Variants in ASXL1 observed in about 807,000 individuals in gnomAD.
ASXL1 encodes polycomb group protein ASXL1.
Under a neutral mutation model 89.1 loss-of-function variants are expected in ASXL1, and 65 were observed. That is an observed-to-expected ratio of 0.73 (90% CI 0.60 to 0.90). The LOEUF (loss-of-function observed/expected upper bound fraction) is 0.90. Among genes scored for constraint, ASXL1 ranks in the 40% least tolerant of loss-of-function variants. The probability of loss-of-function intolerance (pLI) is 0.00; values close to 1 mark genes in which losing one functional copy is unlikely to be tolerated. For synonymous variants in ASXL1, 739 were observed against 746.9 expected (o/e 0.99, Z 0.17); for missense variants, 1,786 against 1,942.9 (o/e 0.92, Z 1.52).
intron 4 of ASXL1, among the ~76,000 whole-genome samples, chr20:32,370,127 T>A (rs2048277043): frequency 6.6e-6 from 1 of 152,192 alleles, no homozygotes; most frequent in Admixed American, 6.5e-5. Context: ...TGTGAACATA[T>A]TTGTGGAAAT....
chr20:32,411,053 A>T (rs2049035130), intron 4 of ASXL1, among the ~76,000 whole-genome samples: 1 of 20,270 alleles, frequency 4.9e-5, no homozygotes, highest in Admixed American at 7.8e-4. Context: ...AAAATAAAAA[A>T]AATAAAAAAA....
Position 32,394,825 on chromosome 20 carries a change from T to G in ASXL1, c.252+25702T>G, listed in dbSNP as rs111304952. 9.4e-3 allele frequency among the ~76,000 whole-genome samples: 1,425 copies of G among 152,194 alleles called. 15 individuals carry two copies. Among genetic ancestry groups the G allele is most frequent in the African/African-American group, 0.032 (1,347 of 41,526 alleles). On this transcript the variant is annotated intron_variant, in intron 4 of 12. Transcript: ENST00000375687. Reference sequence around the variant, plus strand: ...GCCTCCTGGGTTCAAGTGATTCTTATGCCTCAGCCTCCTGAGTAGCTGGGA... The same window carrying G: ...GCCTCCTGGGTTCAAGTGATTCTTAGGCCTCAGCCTCCTGAGTAGCTGGGA...
intron 4 of ASXL1, among the ~76,000 whole-genome samples, chr20:32,389,394 A>G (rs988091501): frequency 3.3e-5 from 5 of 152,100 alleles, no homozygotes; most frequent in African/African-American, 1.2e-4. Context: ...TCTTGCTGTA[A>G]CAAACAGCTG....
intron 4 of ASXL1, among the ~76,000 whole-genome samples, chr20:32,405,667 C>T: frequency 6.6e-6 from 1 of 152,118 alleles, no homozygotes; most frequent in East Asian, 1.9e-4. Flanking sequence ...GTGACCTTGA[C>T]TCCTTTGAAG....
rs1569317988 is a variant in ASXL1 at position 32,429,493 on chromosome 20, T to C, written c.565+62T>C. 2.6e-6 allele frequency: 4 copies of C among 1,530,838 alleles called. No homozygotes were observed. The highest frequency in any genetic ancestry group is 2.7e-6 in the Non-Finnish European group (3 of 1,105,128). 94.8% of individuals were successfully genotyped at this position (1,530,838 alleles called of 1,614,324 possible). A position where few individuals can be genotyped will look rare whatever the true frequency, so the allele number is the denominator to read the frequency against. ...AGGTCCTGGGGACCTGGCCTCCCTC[T>C]GTCAGCAGTTTCTGACCTAATAGTG... On this transcript the variant is annotated intron_variant, in intron 7 of 12. Coordinates refer to ENST00000375687, the MANE Select transcript of ASXL1 (RefSeq NM_015338.6). The surrounding 1 kb of genome is among the most constrained non-coding windows in gnomAD (Gnocchi z 4.9).
At chr20:32,404,947 TC>T (rs922404777) in intron 4 of ASXL1, among the ~76,000 whole-genome samples, 3 of 152,250 alleles carry the variant, frequency 2.0e-5, no homozygotes, top group African/African-American at 7.2e-5. Context: ...GATGATGAAT[TC>T]CTTTTCATAT....
intron 4 of ASXL1, among the ~76,000 whole-genome samples, chr20:32,408,964 T>A (rs781381278): frequency 3.3e-5 from 5 of 152,098 alleles, no homozygotes; most frequent in Middle Eastern, 3.2e-3. Flanking sequence ...TTTATTTTTT[T>A]AATTTTTTAA....
In ASXL1 at chr20:32,436,939, C is replaced by G; in HGVS notation, c.4227C>G (p.Pro1409=). 1.9e-6 allele frequency: 3 copies of G among 1,614,174 alleles called. No homozygotes were observed. Among genetic ancestry groups the G allele is most frequent in the Non-Finnish European group, 2.5e-6 (3 of 1,180,044 alleles). Residue 1409 remains proline, a synonymous_variant, in exon 13 of 13, where the codon CCC becomes CCG. Transcript: ENST00000375687. ...GGATGCCCTTTGTCATGGACTTGCC[C>G]TTCTGGAAATTACCCCGAGAGCCAG... ...LEGMPFVMDL[P]FWKLPREPGK... is the part of the protein sequence containing the mutation.
rs1014372390 is a variant in ASXL1, at chr20:32,426,541, C to CTTTTTTTTTTTTTTTTTTTTTTTTTTTT, written c.253-1579_253-1578insTTTTTTTTTTTTTTTTTTTTTTTTTTTT. Reference sequence around the variant, plus strand: ...AGGTAAAGATGTAGAAAACTGTTTTCTTTTTTTTCTTTCTTTTTTTTTTTT... The same window carrying CTTTTTTTTTTTTTTTTTTTTTTTTTTTT: ...AGGTAAAGATGTAGAAAACTGTTTTCTTTTTTTTTTTTTTTTTTTTTTTTTTTTTTTTTTTTCTTTCTTTTTTTTTTTT... On this transcript the variant is annotated intron_variant, in intron 4 of 12. Transcript: ENST00000375687. 5.4e-5 allele frequency among the ~76,000 whole-genome samples: 5 copies of CTTTTTTTTTTTTTTTTTTTTTTTTTTTT among 92,572 alleles called. 1 individual carries two copies. The highest frequency in any genetic ancestry group is 2.5e-4 in the Admixed American group (2 of 8,128). The allele number at this position is 92,572 out of a possible 152,430, so 60.7% of individuals were successfully genotyped here. A position where few individuals can be genotyped will look rare whatever the true frequency, so the allele number is the denominator to read the frequency against.
chr20:32,379,743 T>C (rs1355940265), intron 4 of ASXL1, among the ~76,000 whole-genome samples: 1 of 151,634 alleles, frequency 6.6e-6, no homozygotes, highest in African/African-American at 2.4e-5. Flanking sequence ...GGAGAATCAC[T>C]TGAACCCGGG....
intron 4 of ASXL1, among the ~76,000 whole-genome samples, chr20:32,401,559 C>T (rs1344274847): frequency 7.0e-5 from 10 of 142,322 alleles, no homozygotes; most frequent in Admixed American, 1.4e-4. Flanking sequence ...TTCCCCCCCC[C>T]CCTTTTTTTT....
rs1569253078 is a variant in ASXL1, at chr20:32,376,867, T to TATATTATATAAATATC, written c.252+7746_252+7747insATTATATAAATATCAT. On this transcript the variant is annotated intron_variant, in intron 4 of 12. Coordinates refer to ENST00000375687, the MANE Select transcript of ASXL1 (RefSeq NM_015338.6). ...ATGATAGATATATAATATATAATTATATGTTATATATTTTATATTTATAAA... is the reference window on the plus strand; with the variant it reads ...ATGATAGATATATAATATATAATTATATATTATATAAATATCATGTTATATATTTTATATTTATAAA... Among the ~76,000 whole-genome samples, 1,186 of 140,658 alleles carry TATATTATATAAATATC rather than the reference T, an allele frequency of 8.4e-3. 20 individuals carry two copies. The highest frequency in any genetic ancestry group is 0.027 in the African/African-American group (1,062 of 39,388). 92.3% of individuals were successfully genotyped at this position (140,658 alleles called of 152,430 possible).
rs2048834039 is a variant in ASXL1 at position 32,399,603 on chromosome 20, C to T, written c.253-28525C>T. Among the ~76,000 whole-genome samples, 3 of 150,804 alleles carry T rather than the reference C, an allele frequency of 2.0e-5. No homozygotes were observed. In the South Asian group the frequency reaches 6.3e-4, roughly 32 times the overall value. On this transcript the variant is annotated intron_variant, in intron 4 of 12. Coordinates refer to ENST00000375687, the MANE Select transcript of ASXL1 (RefSeq NM_015338.6). ...CAAACATTAGGCTGCTTGAAGTTGC[C>T]CCATAGCTTACTGATAGTTTTTGTT... is the stretch of plus-strand genomic sequence containing the variant.
At chr20:32,403,274 A>G (rs2048905169) in intron 4 of ASXL1, among the ~76,000 whole-genome samples, 1 of 152,164 alleles carries the variant, frequency 6.6e-6, no homozygotes, top group African/African-American at 2.4e-5. Context: ...TCCTCTGTCA[A>G]TACCGTACTG....
chr20:32,417,704 T>C (rs1363440275), intron 4 of ASXL1, among the ~76,000 whole-genome samples: 1 of 152,148 alleles, frequency 6.6e-6, no homozygotes, highest in Non-Finnish European at 1.5e-5. Context: ...CTGTATACTT[T>C]AATAGGTATG....
At chr20:32,417,118 C>T (rs2049151202) in intron 4 of ASXL1, among the ~76,000 whole-genome samples, 1 of 152,150 alleles carries the variant, frequency 6.6e-6, no homozygotes, top group Non-Finnish European at 1.5e-5. Context: ...ATTTGTTTCA[C>T]TTGGTCTTTG....
chr20:32,410,339 G>A (rs942145672), intron 4 of ASXL1, among the ~76,000 whole-genome samples: 8 of 152,054 alleles, frequency 5.3e-5, no homozygotes, highest in East Asian at 1.9e-4. Context: ...GTCTTACACC[G>A]TTGCCCAGCC....
At position 32,439,220 on chromosome 20, in the gene ASXL1, G is replaced by A; in HGVS notation, c.*1882G>A. The A allele has an allele frequency of 4.3e-6, 1 of 233,496 alleles. No individual in the cohort carries two copies. Among genetic ancestry groups the A allele is most frequent in the East Asian group, 6.0e-5 (1 of 16,548 alleles). The allele number at this position is 233,496 out of a possible 1,614,324, so 14.5% of individuals were successfully genotyped here. A position where few individuals can be genotyped will look rare whatever the true frequency, so the allele number is the denominator to read the frequency against. On this transcript the variant is annotated 3_prime_UTR_variant, in exon 13 of 13. Coordinates refer to ENST00000375687, the MANE Select transcript of ASXL1 (RefSeq NM_015338.6). Reference sequence around the variant, plus strand: ...CTGGAACCTTTGGGGACACTCAAGGGTACAGTTTGACACTGATCTGGTCCA... The same window carrying A: ...CTGGAACCTTTGGGGACACTCAAGGATACAGTTTGACACTGATCTGGTCCA...
Position 32,436,742 on chromosome 20 carries a change from T to C in ASXL1, c.4030T>C (p.Ser1344Pro). 6.2e-7 allele frequency: 1 copy of C among 1,614,028 alleles called. No homozygotes were observed. The highest frequency in any genetic ancestry group is 2.2e-5 in the East Asian group (1 of 44,878). ...PSGKLGPSTN[S>P]MSGGVQTPRE... is the part of the protein sequence containing the mutation. ...TGGGAAGTTGGGACCAAGCACAAAC[T>C]CCATGTCTGGTGGGGTACAGACTCC... Residue 1344 changes from serine to proline, a missense_variant, in exon 13 of 13, where the codon TCC (serine) becomes CCC (proline). This residue lies in a region of ASXL1 where 1,418 missense variants were observed against 1,427.8 expected (regional missense o/e 0.99). Transcript: ENST00000375687.
Sources: gnomAD v4.1 joint callset for allele counts (sites outside exome capture counted in the v4.1 genomes callset) on GRCh38, gnomAD v4.1.1 for gene constraint, gnomAD v4.1.1 regional missense constraint, Gnocchi (gnomAD v3.1) non-coding constraint, MANE v1.5 for transcripts, NCBI Gene and HGNC (gene_info 2026-07-23, HGNC 2026-07-21) for gene names.